Variants in CRYZL1 observed in about 807,000 individuals in gnomAD.
The protein encoded by CRYZL1 is crystallin zeta like 1, also known as ferry endosomal RAB5 effector complex subunit 4.
In CRYZL1, 34 loss-of-function variants were observed where a neutral mutation model predicts 50.6. That is an observed-to-expected ratio of 0.67 (90% CI 0.51 to 0.89). The LOEUF (loss-of-function observed/expected upper bound fraction) is 0.89. CRYZL1 is among the 40% of genes least tolerant of loss of function. CRYZL1 has a pLI of 0.00. For synonymous variants in CRYZL1, 125 were observed against 134.3 expected, an observed-to-expected ratio of 0.93 and a Z score of 0.48; for missense variants, 354 against 402.3, an observed-to-expected ratio of 0.88 and a Z score of 1.03.
chr21:33,637,017 T>C (rs1478584617), intron 1 of CRYZL1, among the ~76,000 whole-genome samples: 1 of 152,172 alleles, frequency 6.6e-6, no homozygotes, highest in Admixed American at 6.5e-5. Flanking sequence ...AAATAAAACC[T>C]CTACAAATCA....
At chr21:33,606,895 C>T (rs148280273) in intron 6 of CRYZL1, among the ~76,000 whole-genome samples, 15 of 152,140 alleles carry the variant, frequency 9.9e-5, no homozygotes, top group Admixed American at 2.0e-4. Context: ...CCTGTAATCC[C>T]AGCTACTTGG....
At chr21:33,607,669 A>G (rs951291583) in intron 6 of CRYZL1, among the ~76,000 whole-genome samples, 2 of 152,146 alleles carry the variant, frequency 1.3e-5, no homozygotes, top group Admixed American at 6.6e-5. Flanking sequence ...AACACCAAAG[A>G]CAAATTAAAA....
Position 33,595,882 on chromosome 21 carries a change from C to T in CRYZL1, c.799-46G>A, listed in dbSNP as rs766096736. 4 of 1,295,454 alleles carry T rather than the reference C, an allele frequency of 3.1e-6. No homozygotes were observed. The East Asian group carries it at 9.2e-5, about 30-fold the overall frequency. 80.2% of individuals were successfully genotyped at this position (1,295,454 alleles called of 1,614,324 possible). On this transcript the variant is annotated intron_variant, in intron 10 of 12. Coordinates refer to ENST00000381554, the MANE Select transcript of CRYZL1 (RefSeq NM_145858.3). Reference sequence around the variant, plus strand: ...GACTAATCAATTATTGTGAGTTTAACAGCAGGATGACTGGTATCTCGAGTC... The same window carrying T: ...GACTAATCAATTATTGTGAGTTTAATAGCAGGATGACTGGTATCTCGAGTC...
At position 33,599,326 on chromosome 21, in the gene CRYZL1, A is replaced by C. The variant is rs1342518424; in HGVS notation, c.578-78T>G. 7 of 1,573,162 alleles carry C rather than the reference A, an allele frequency of 4.4e-6. No homozygotes were observed. In the South Asian group the frequency reaches 5.7e-5, roughly 13 times the overall value. ...AAACAAATCAGGGAAAAAGAAAAAGAAAAGCAAATAAATATCTATTCTTGA... is the reference window on the plus strand; with the variant it reads ...AAACAAATCAGGGAAAAAGAAAAAGCAAAGCAAATAAATATCTATTCTTGA... On this transcript the variant is annotated intron_variant, in intron 8 of 12. Transcript: ENST00000381554.
At chr21:33,641,063 C>A in intron 1 of CRYZL1, 1 of 1,462,092 alleles carries the variant, frequency 6.8e-7, no homozygotes. Context: ...TATATTTGTA[C>A]TGGACAGAGT....
intron 6 of CRYZL1, among the ~76,000 whole-genome samples, chr21:33,613,089 G>A (rs2086890663): frequency 1.3e-5 from 2 of 152,162 alleles, no homozygotes; most frequent in Non-Finnish European, 2.9e-5. Context: ...GCCTCCCAAA[G>A]TGCTGGGATT....
chr21:33,613,188 T>A (rs965957650), intron 6 of CRYZL1, among the ~76,000 whole-genome samples: 3 of 152,190 alleles, frequency 2.0e-5, no homozygotes, highest in South Asian at 2.1e-4. Flanking sequence ...AAATTTTATA[T>A]GTTTTTTGTT....
intron 1 of CRYZL1, among the ~76,000 whole-genome samples, chr21:33,640,638 T>C (rs1450931895): frequency 1.3e-5 from 2 of 152,232 alleles, no homozygotes; most frequent in East Asian, 3.8e-4. Context: ...AGAGAATCTC[T>C]AAAGTAGTTC....
In CRYZL1 at chr21:33,637,183, C is replaced by G. The variant is rs1437330652; in HGVS notation, c.-7+4498G>C. 2.0e-5 allele frequency among the ~76,000 whole-genome samples: 3 copies of G among 152,258 alleles called. No homozygotes were observed. In the East Asian group the frequency reaches 5.8e-4, roughly 29 times the overall value. ...TTAGATCGCTGGGCGCGGTGGCTCA[C>G]GCCTGTAATCCCAGCATTTTTGGAG... On this transcript the variant is annotated intron_variant, in intron 1 of 12. Transcript: ENST00000381554.
chr21:33,616,906 C>A, intron 4 of CRYZL1, 156 bp from the exon 5 acceptor site: 1 of 583,756 alleles, frequency 1.7e-6, no homozygotes. Context: ...TTTTGATGGT[C>A]TGTAAAGACT....
chr21:33,600,933 G>GGTTT lies in CRYZL1; in HGVS notation c.577+1300_577+1301insAAAC, dbSNP rs1569083557. 1.0e-4 allele frequency among the ~76,000 whole-genome samples: 6 copies of GGTTT among 59,520 alleles called. 1 individual carries two copies. Among genetic ancestry groups the GGTTT allele is most frequent in the African/African-American group, 3.8e-4 (6 of 15,830 alleles). The allele number at this position is 59,520 out of a possible 152,430, so 39.0% of individuals were successfully genotyped here. A position where few individuals can be genotyped will look rare whatever the true frequency, so the allele number is the denominator to read the frequency against. On this transcript the variant is annotated intron_variant, in intron 8 of 12. Transcript: ENST00000381554. ...TGAGCCACTGTGCCCGGTCCATAAAGTTTTTTTTTTTTTTTTTTTTGGGGG... is the reference window on the plus strand; with the variant it reads ...TGAGCCACTGTGCCCGGTCCATAAAGGTTTTTTTTTTTTTTTTTTTTTTTGGGGG...
In CRYZL1 at chr21:33,591,177, G is replaced by A. The variant is rs1016649071; in HGVS notation, c.935C>T (p.Ser312Leu). 7 of 1,609,844 alleles carry A rather than the reference G, an allele frequency of 4.3e-6. No individual in the cohort carries two copies. Among genetic ancestry groups the A allele is most frequent in the African/African-American group, 4.0e-5 (3 of 74,840 alleles). The change falls in exon 12 of 13, where the codon TCA becomes TTA. Residue 312 changes from serine (S) to leucine (L), a missense_variant. Coordinates refer to ENST00000381554, the MANE Select transcript of CRYZL1 (RefSeq NM_145858.3). ...TTTAGCGTACCTGAAAACACCAGTT[G>A]ATAACTTCTCCATCACATCCTTTAA... ...CILKDVMEKL[S>L]TGVFRPQLDE... is the part of the protein sequence containing the mutation.
chr21:33,629,462 C>T (rs1203907725), intron 2 of CRYZL1, among the ~76,000 whole-genome samples: 4 of 152,190 alleles, frequency 2.6e-5, no homozygotes, highest in South Asian at 4.1e-4. Context: ...GGGGTTTCAC[C>T]GTGTTGCCCA....
intron 9 of CRYZL1, among the ~76,000 whole-genome samples, chr21:33,598,221 C>T (rs2086715413): frequency 6.6e-6 from 1 of 152,118 alleles, no homozygotes; most frequent in African/African-American, 2.4e-5. Flanking sequence ...ATAGTCTTAA[C>T]ATAATTACTG....
chr21:33,625,158 AT>A (rs35814819), intron 2 of CRYZL1, among the ~76,000 whole-genome samples: 356 of 143,358 alleles, frequency 2.5e-3, no homozygotes, highest in East Asian at 5.7e-3. Context: ...ACCTTTACTG[AT>A]TTTTTTTTTT....
intron 5 of CRYZL1, among the ~76,000 whole-genome samples, chr21:33,615,336 T>C (rs997368618): frequency 2.6e-5 from 4 of 151,940 alleles, no homozygotes; most frequent in Non-Finnish European, 4.4e-5. Context: ...ATTTTTTATG[T>C]AGAGTCGAGC....
chr21:33,639,853 C>A, intron 1 of CRYZL1: 1 of 156,766 alleles, frequency 6.4e-6, no homozygotes, highest in Middle Eastern at 3.2e-3. Context: ...GAGACAGGGT[C>A]TCACTCTGTT....
intron 6 of CRYZL1, among the ~76,000 whole-genome samples, chr21:33,609,448 C>T (rs984146384): frequency 3.3e-5 from 5 of 151,870 alleles, no homozygotes; most frequent in Admixed American, 3.3e-4. Flanking sequence ...TATAGGCACA[C>T]ACCACCATAT....
intron 11 of CRYZL1, among the ~76,000 whole-genome samples, chr21:33,593,382 A>G (rs918658118): frequency 6.6e-6 from 1 of 152,168 alleles, no homozygotes; most frequent in Non-Finnish European, 1.5e-5. Context: ...CTGGGATTAC[A>G]GGCGTGAGCC....
Sources: allele counts gnomAD v4.1 joint callset (sites outside exome capture counted in the v4.1 genomes callset), GRCh38; gene constraint gnomAD v4.1.1; transcripts MANE v1.5; gene names NCBI Gene and HGNC (gene_info 2026-07-23, HGNC 2026-07-21).